CTNNBL1: variants seen among roughly 807,000 people sequenced by gnomAD.
CTNNBL1 encodes the protein beta-catenin-like protein 1.
In CTNNBL1, 31 loss-of-function variants were observed where a neutral mutation model predicts 72.7. The observed-to-expected ratio is 0.43, with a 90% CI of 0.32 to 0.58. The LOEUF (loss-of-function observed/expected upper bound fraction) is 0.58, where lower values mean the gene tolerates loss of function less well. CTNNBL1 is among the 20% of genes least tolerant of loss of function. The pLI is 0.08. For synonymous variants in CTNNBL1, 240 were observed against 267.3 expected, an observed-to-expected ratio of 0.90 and a Z score of 1.00; for missense variants, 534 against 725.1, an observed-to-expected ratio of 0.74 and a Z score of 3.03.
At chr20:37,699,686 G>A (rs1429022784) in intron 1 of CTNNBL1, among the ~76,000 whole-genome samples, 2 of 152,206 alleles carry the variant, frequency 1.3e-5, no homozygotes, top group African/African-American at 4.8e-5. Context: ...GAACAAAATT[G>A]TCTGATTTGA....
chr20:37,769,792 T>C (rs142184710), intron 7 of CTNNBL1, among the ~76,000 whole-genome samples: 1 of 152,338 alleles, frequency 6.6e-6, no homozygotes, highest in Non-Finnish European at 1.5e-5. Context: ...GTAATGGCCT[T>C]GCTCTGCTTC....
chr20:37,815,038 G>A (rs1221820433), intron 11 of CTNNBL1, among the ~76,000 whole-genome samples: 1 of 151,288 alleles, frequency 6.6e-6, no homozygotes, highest in African/African-American at 2.4e-5. Context: ...AAACATCATG[G>A]ACACCATCCA....
intron 11 of CTNNBL1, among the ~76,000 whole-genome samples, chr20:37,817,109 A>G (rs945964882): frequency 3.9e-5 from 6 of 152,188 alleles, no homozygotes; most frequent in Non-Finnish European, 8.8e-5. Flanking sequence ...CAAATAAGTT[A>G]AGTACTTTTT....
intron 1 of CTNNBL1, among the ~76,000 whole-genome samples, chr20:37,707,936 A>G (rs983850789): frequency 6.6e-6 from 1 of 151,964 alleles, no homozygotes; most frequent in African/African-American, 2.4e-5. Context: ...GAGGAGAGAG[A>G]GAGAGAGAGA....
intron 1 of CTNNBL1, among the ~76,000 whole-genome samples, chr20:37,708,144 A>G (rs931534210): frequency 1.3e-5 from 2 of 152,204 alleles, no homozygotes; most frequent in Non-Finnish European, 2.9e-5. Context: ...TGACACAGAC[A>G]TGAAGTGAAC....
At chr20:37,810,830 G>C (rs80193548) in intron 11 of CTNNBL1, among the ~76,000 whole-genome samples, 1,606 of 152,302 alleles carry the variant, frequency 0.011, 33 homozygotes, top group African/African-American at 0.036. Flanking sequence ...ACAGGACTTA[G>C]GTTGGTCTCC....
chr20:37,795,184 G>A (rs2073762000), intron 10 of CTNNBL1, among the ~76,000 whole-genome samples: 1 of 150,564 alleles, frequency 6.6e-6, no homozygotes, highest in Non-Finnish European at 1.5e-5. Context: ...GCCCAGGCTG[G>A]CATGCAGTGA....
chr20:37,732,944 A>G lies in CTNNBL1; in HGVS notation c.96A>G (p.Gln32=), dbSNP rs1206639261. Residue 32 remains glutamine, a synonymous_variant, in exon 2 of 16, where the codon CAA becomes CAG. Coordinates refer to ENST00000361383, the MANE Select transcript of CTNNBL1 (RefSeq NM_030877.5). ...AGGAGCAGAAGATGCGTCGGAAACA[A>G]ACTGGTACTCGAGAACGCGGCCGCT... ...EEEEQKMRRK[Q]TGTRERGRYR... is the part of the protein sequence containing the mutation. The G allele has an allele frequency of 1.9e-6, 3 of 1,613,968 alleles. No homozygotes were observed. The highest frequency in any genetic ancestry group is 2.5e-6 in the Non-Finnish European group (3 of 1,180,036).
At chr20:37,799,136 T>A (rs1474165050) in intron 10 of CTNNBL1, among the ~76,000 whole-genome samples, 1 of 152,208 alleles carries the variant, frequency 6.6e-6, no homozygotes, top group African/African-American at 2.4e-5. Flanking sequence ...TGGTCATTTC[T>A]CATTTTTGTT....
chr20:37,771,098 T>C (rs1000510876), intron 7 of CTNNBL1, among the ~76,000 whole-genome samples: 4 of 152,134 alleles, frequency 2.6e-5, no homozygotes, highest in Admixed American at 2.0e-4. Context: ...CTTTGAAAAA[T>C]GGGGATCATA....
At chr20:37,849,041 T>C (rs971002454) in intron 13 of CTNNBL1, among the ~76,000 whole-genome samples, 4 of 152,214 alleles carry the variant, frequency 2.6e-5, no homozygotes, top group African/African-American at 9.7e-5. Context: ...ATCTGTTTAC[T>C]CCTCTCCCTC....
chr20:37,712,627 T>C (rs2072948389), intron 1 of CTNNBL1, among the ~76,000 whole-genome samples: 1 of 152,242 alleles, frequency 6.6e-6, no homozygotes, highest in South Asian at 2.1e-4. Context: ...AAAATAATAC[T>C]AATACAAAAC....
intron 1 of CTNNBL1, among the ~76,000 whole-genome samples, chr20:37,696,964 C>T (rs1198397803): frequency 1.3e-5 from 2 of 151,388 alleles, no homozygotes; most frequent in Non-Finnish European, 2.9e-5. Context: ...GGTGGGTCAC[C>T]TGAGGTTGGG....
rs2072766243 is a variant in CTNNBL1, at chr20:37,694,068, G to A, written c.-55G>A. On this transcript the variant is annotated 5_prime_UTR_variant, in exon 1 of 16. Transcript: ENST00000361383. ...GTGTGGCTGGAGCCGCGGCTGACGGGCCCGCGGTCTGGGCGTGAGTGCAGG... is the reference window on the plus strand; with the variant it reads ...GTGTGGCTGGAGCCGCGGCTGACGGACCCGCGGTCTGGGCGTGAGTGCAGG... 1.3e-6 allele frequency: 2 copies of A among 1,580,750 alleles called. No individual in the cohort carries two copies. The highest frequency in any genetic ancestry group is 2.4e-5 in the East Asian group (1 of 42,526).
intron 7 of CTNNBL1, among the ~76,000 whole-genome samples, chr20:37,775,072 A>G (rs2073561864): frequency 6.6e-6 from 1 of 152,210 alleles, no homozygotes; most frequent in South Asian, 2.1e-4. Flanking sequence ...CAGCACCGCT[A>G]TGCCAAAAAG....
intron 1 of CTNNBL1, among the ~76,000 whole-genome samples, chr20:37,717,615 C>CT (rs1015141895): frequency 2.4e-4 from 35 of 148,072 alleles, no homozygotes; most frequent in Admixed American, 4.0e-4. Context: ...TTTTTCTTTT[C>CT]TTTTTTTTTT....
intron 11 of CTNNBL1, among the ~76,000 whole-genome samples, chr20:37,823,036 T>C (rs1004331907): frequency 3.3e-5 from 5 of 152,202 alleles, no homozygotes; most frequent in Non-Finnish European, 7.3e-5. Flanking sequence ...TATTTGCCAA[T>C]ATATATTGTT....
At chr20:37,709,085 C>T (rs757817639) in intron 1 of CTNNBL1, among the ~76,000 whole-genome samples, 12 of 151,736 alleles carry the variant, frequency 7.9e-5, no homozygotes, top group Non-Finnish European at 1.0e-4. Context: ...TGCAGTGAGC[C>T]GAGATCGCGC....
intron 1 of CTNNBL1, among the ~76,000 whole-genome samples, chr20:37,714,596 T>C (rs1379444917): frequency 2.0e-5 from 3 of 152,260 alleles, no homozygotes; most frequent in Non-Finnish European, 4.4e-5. Context: ...TTGCTGTCTC[T>C]GACTCTAAAG....
Sources: gnomAD v4.1 joint callset for allele counts (sites outside exome capture counted in the v4.1 genomes callset) on GRCh38, gnomAD v4.1.1 for gene constraint, MANE v1.5 for transcripts, NCBI Gene and HGNC (gene_info 2026-07-23, HGNC 2026-07-21) for gene names.